The following CROT variants were observed in gnomAD, a reference collection of about 807,000 sequenced individuals.
CROT encodes peroxisomal carnitine O-octanoyltransferase.
CROT carries 84 observed loss-of-function variants against 89.2 expected under a neutral mutation model. The observed-to-expected ratio is 0.94, with a 90% CI of 0.79 to 1.13. The LOEUF is 1.13. Among genes scored for constraint, CROT ranks in the 50% most tolerant of loss-of-function variants. The pLI is 0.00. For missense variants in CROT, 711 were observed against 727.8 expected, an observed-to-expected ratio of 0.98 and a Z score of 0.27; for synonymous variants, 212 against 239.5, an observed-to-expected ratio of 0.89 and a Z score of 1.06.
At chr7:87,386,814 T>G (rs1227377839) in intron 13 of CROT, among the ~76,000 whole-genome samples, 1 of 152,180 alleles carries the variant, frequency 6.6e-6, no homozygotes, top group Non-Finnish European at 1.5e-5. Flanking sequence ...CACTGAGTTT[T>G]GTTCATTGGG....
intron 6 of CROT, 49 bp from the exon 7 acceptor site, chr7:87,369,327 C>T (rs1806547554): frequency 7.7e-7 from 1 of 1,293,912 alleles, no homozygotes; most frequent in Non-Finnish European, 1.1e-6. Context: ...CATCTTTACT[C>T]CTGTTTAACC....
At chr7:87,373,319 A>T (rs1389807619) in intron 7 of CROT, among the ~76,000 whole-genome samples, 1 of 152,094 alleles carries the variant, frequency 6.6e-6, no homozygotes, top group African/African-American at 2.4e-5. Flanking sequence ...ATCGTTCTTT[A>T]GATATAAGTC....
At position 87,369,491 on chromosome 7, in the gene CROT, A is replaced by C; in HGVS notation, c.656+7A>C. ...CCCCGCCAGAGCTTCTCAGGTTTTC[A>C]GACTACTTTCTTGAGTTTCATTAGG... On this transcript the variant is annotated splice_region_variant and intron_variant, in intron 7 of 17. Transcript: ENST00000331536. The C allele has an allele frequency of 6.3e-7, 1 of 1,594,074 alleles. No individual in the cohort carries two copies. The highest frequency in any genetic ancestry group is 8.6e-7 in the Non-Finnish European group (1 of 1,163,756).
chr7:87,352,803 G>A (rs1399364102), intron 3 of CROT, among the ~76,000 whole-genome samples: 2 of 152,192 alleles, frequency 1.3e-5, no homozygotes, highest in Non-Finnish European at 2.9e-5. Context: ...CCCATACGTA[G>A]CCAAATACTT....
intron 4 of CROT, 78 bp downstream of exon 4, chr7:87,359,408 T>G: frequency 6.7e-7 from 1 of 1,497,586 alleles, no homozygotes; most frequent in Non-Finnish European, 8.9e-7. Flanking sequence ...ATTTTTAAAT[T>G]ATTGCTGTAA....
intron 15 of CROT, 26 bp downstream of exon 15, chr7:87,392,670 T>C (rs761179494): frequency 6.2e-7 from 1 of 1,611,294 alleles, no homozygotes; most frequent in South Asian, 1.1e-5. Flanking sequence ...TTTTTCTGAC[T>C]TAAAAATCTC....
chr7:87,361,201 G>C (rs112584535), intron 4 of CROT, among the ~76,000 whole-genome samples, 189 bp from the exon 5 acceptor site: 2,085 of 151,664 alleles, frequency 0.014, 49 homozygotes, highest in African/African-American at 0.048. Flanking sequence ...GGACTCAAGT[G>C]ATCCTCCCAC....
chr7:87,349,103 G>A lies in CROT; in HGVS notation c.35G>A (p.Arg12Gln), dbSNP rs754865059. 1.4e-5 allele frequency: 23 copies of A among 1,605,204 alleles called. No individual in the cohort carries two copies. Among genetic ancestry groups the A allele is most frequent in the South Asian group, 4.5e-5 (4 of 89,518 alleles). The change falls in exon 3 of 18, where the codon CGA (arginine) becomes CAA (glutamine). Residue 12 changes from arginine to glutamine, a missense_variant. Arg to Gln is a conservative substitution (Grantham distance 43). Transcript: ENST00000331536. Reference protein sequence around the residue: ...ENQLAKSTEERTFQYQDSLPS... With the variant: ...ENQLAKSTEEQTFQYQDSLPS... ...CAATTGGCTAAATCAACTGAAGAAC[G>A]AACATTTCAGTACCAGGATTCTCTT...
rs576804700 is a variant in CROT, at chr7:87,398,706, T to C, written c.*62T>C. 2.0e-6 allele frequency: 3 copies of C among 1,515,928 alleles called. No homozygotes were observed. The highest frequency in any genetic ancestry group is 1.8e-6 in the Non-Finnish European group (2 of 1,110,592). 93.9% of individuals were successfully genotyped at this position (1,515,928 alleles called of 1,614,324 possible). A position where few individuals can be genotyped will look rare whatever the true frequency, so the allele number is the denominator to read the frequency against. On this transcript the variant is annotated 3_prime_UTR_variant, in exon 18 of 18. Transcript: ENST00000331536. ...CATTAAACTGAGTGCTGGGAGTGAG[T>C]TGGTAATATGAGATGGGAAGGAATG...
intron 3 of CROT, among the ~76,000 whole-genome samples, chr7:87,349,910 A>C (rs1459905048): frequency 6.6e-6 from 1 of 152,116 alleles, no homozygotes; most frequent in African/African-American, 2.4e-5. Context: ...TTCTCATAAT[A>C]GTGTGCAGTG....
intron 7 of CROT, among the ~76,000 whole-genome samples, chr7:87,374,253 T>C (rs2115919286): frequency 6.6e-6 from 1 of 152,250 alleles, no homozygotes; most frequent in South Asian, 2.1e-4. Flanking sequence ...TTACCAAATC[T>C]GTATCTCTTA....
At chr7:87,394,661 T>G (rs1430646818) in intron 17 of CROT, among the ~76,000 whole-genome samples, 1 of 152,138 alleles carries the variant, frequency 6.6e-6, no homozygotes, top group Non-Finnish European at 1.5e-5. Context: ...AAAATGCAGC[T>G]TTTTGGTGGG....
At chr7:87,396,207 T>C (rs1405292060) in intron 17 of CROT, among the ~76,000 whole-genome samples, 1 of 152,108 alleles carries the variant, frequency 6.6e-6, no homozygotes, top group Admixed American at 6.6e-5. Context: ...GGTGGGAAGA[T>C]TGCTTGAGGC....
chr7:87,397,816 A>G (rs116279764), intron 17 of CROT, among the ~76,000 whole-genome samples: 1,879 of 152,276 alleles, frequency 0.012, 37 homozygotes, highest in African/African-American at 0.042. Context: ...TTTTTAAGTG[A>G]TGTGAAAATT....
At chr7:87,355,532 G>C (rs1806036637) in intron 3 of CROT, among the ~76,000 whole-genome samples, 1 of 152,072 alleles carries the variant, frequency 6.6e-6, no homozygotes, top group African/African-American at 2.4e-5. Context: ...TCAACTTGGA[G>C]AATGTTCACT....
At chr7:87,359,855 T>C in intron 4 of CROT, 1 of 985,704 alleles carries the variant, frequency 1.0e-6, no homozygotes, top group Non-Finnish European at 1.2e-6. Flanking sequence ...TCCACAAAAT[T>C]CTTTAACTTC....
At chr7:87,346,141 G>GA (rs1805665135) in intron 1 of CROT, among the ~76,000 whole-genome samples, 199 bp from the exon 2 acceptor site, 1 of 152,194 alleles carries the variant, frequency 6.6e-6, no homozygotes, top group African/African-American at 2.4e-5. Context: ...GTACTTGTCT[G>GA]AAACCTACTT....
intron 17 of CROT, among the ~76,000 whole-genome samples, chr7:87,395,832 G>T (rs531514813): frequency 4.0e-4 from 61 of 152,170 alleles, no homozygotes; most frequent in Non-Finnish European, 7.2e-4. Context: ...TAGATCGGGG[G>T]TTATAAGGAC....
chr7:87,399,425 G>T lies in CROT; in HGVS notation c.*781G>T, dbSNP rs1168073279. 2.0e-5 allele frequency: 3 copies of T among 152,250 alleles called. No homozygotes were observed. The highest frequency in any genetic ancestry group is 2.0e-4 in the Admixed American group (3 of 15,280). The allele number at this position is 152,250 out of a possible 1,614,324, so 9.4% of individuals were successfully genotyped here. On this transcript the variant is annotated 3_prime_UTR_variant, in exon 18 of 18. Transcript: ENST00000331536. The stretch of plus-strand genomic sequence containing the variant: ...CAGGAGGTTGTGGCTGCAGTGAGCT[G>T]TGATGTGCCCTTATGCTATAGCCTG...
Sources: gnomAD v4.1 joint callset for allele counts (sites outside exome capture counted in the v4.1 genomes callset) on GRCh38, gnomAD v4.1.1 for gene constraint, MANE v1.5 for transcripts, NCBI Gene and HGNC (gene_info 2026-07-23, HGNC 2026-07-21) for gene names.